The following ITGA2B variants were observed in gnomAD, a reference collection of about 807,000 sequenced individuals.
The protein encoded by ITGA2B is integrin subunit alpha 2b.
ITGA2B carries 91 observed loss-of-function variants against 142.0 expected under a neutral mutation model. The ratio of observed to expected loss-of-function variants is 0.64; its 90% CI spans 0.54 to 0.76. The LOEUF (loss-of-function observed/expected upper bound fraction) is 0.76, where lower values mean the gene tolerates loss of function less well. ITGA2B is among the 30% of genes least tolerant of loss of function. The pLI is 0.00. For missense variants in ITGA2B, 1,231 were observed against 1,350.8 expected, an observed-to-expected ratio of 0.91 and a Z score of 1.39; for synonymous variants, 536 against 567.2, an observed-to-expected ratio of 0.94 and a Z score of 0.78.
At chr17:44,387,068 T>A (rs201155712) in intron 1 of ITGA2B, among the ~76,000 whole-genome samples, 1 of 151,430 alleles carries the variant, frequency 6.6e-6, no homozygotes, top group East Asian at 2.0e-4. Flanking sequence ...GCCCATAATA[T>A]TTTTTTAGCC....
At chr17:44,384,376 C>G (rs950269723) in intron 8 of ITGA2B, 22 bp from the exon 9 acceptor site, 4 of 1,613,798 alleles carry the variant, frequency 2.5e-6, no homozygotes, top group African/African-American at 1.3e-5. Context: ...GAGAGCCAGG[C>G]TCAGGGAATG....
Position 44,378,485 on chromosome 17 carries a change from C to G in ITGA2B, c.1971G>C (p.Gly657=), listed in dbSNP as rs745504376. 5.0e-6 allele frequency: 8 copies of G among 1,613,866 alleles called. No individual in the cohort carries two copies. Among genetic ancestry groups the G allele is most frequent in the Non-Finnish European group, 5.9e-6 (7 of 1,179,962 alleles). The change falls in exon 20 of 30, where the codon GGG becomes GGC. Residue 657 remains glycine, a synonymous_variant. Transcript: ENST00000262407. The part of the protein sequence containing the change: ...ASVTGSPLLV[G]ADNVLELQMD... Reference sequence around the variant, plus strand: ...TCTGCAGCTCCAGGACATTATCTGCCCCAACTAGGAGCGGGGAGCCCGTCC... The same window carrying G: ...TCTGCAGCTCCAGGACATTATCTGCGCCAACTAGGAGCGGGGAGCCCGTCC...
intron 18 of ITGA2B, 23 bp downstream of exon 18, chr17:44,379,666 G>A (rs1317393821): frequency 1.6e-5 from 26 of 1,613,604 alleles, no homozygotes; most frequent in Non-Finnish European, 2.2e-5. Context: ...GCACCTCCCT[G>A]GCCTGTCCCT....
At chr17:44,381,958 C>T (rs999629846) in intron 12 of ITGA2B, among the ~76,000 whole-genome samples, 1 of 152,162 alleles carries the variant, frequency 6.6e-6, no homozygotes, top group African/African-American at 2.4e-5. Context: ...CTTCTCCATT[C>T]CATCAAACTC....
intron 12 of ITGA2B, among the ~76,000 whole-genome samples, chr17:44,382,026 G>T (rs562388891): frequency 6.6e-6 from 1 of 152,196 alleles, no homozygotes; most frequent in South Asian, 2.1e-4. Flanking sequence ...AGGAAGAGAG[G>T]CAGCCCACTG....
Position 44,383,672 on chromosome 17 carries a change from T to A in ITGA2B, c.1031A>T (p.Tyr344Phe). 6.3e-7 allele frequency: 1 copy of A among 1,590,572 alleles called. No individual in the cohort carries two copies. The highest frequency in any genetic ancestry group is 2.3e-5 in the East Asian group (1 of 43,662). The change falls in exon 12 of 30, where the codon TAT (tyrosine) becomes TTT (phenylalanine). Residue 344 changes from tyrosine to phenylalanine, a missense_variant. Coordinates refer to ENST00000262407, the MANE Select transcript of ITGA2B (RefSeq NM_000419.5). ...TTTTCGGTCTGCCCGGCTCTCCATA[T>A]ACAGTGGAGCGCCCACCAGCAGATC... is the stretch of plus-strand genomic sequence containing the variant. ...RHDLLVGAPLYMESRADRKLA... is the reference protein window; with the variant it reads ...RHDLLVGAPLFMESRADRKLA...
At chr17:44,383,767 T>G in intron 11 of ITGA2B, 63 bp from the exon 12 acceptor site, 7 of 1,549,430 alleles carry the variant, frequency 4.5e-6, no homozygotes, top group Middle Eastern at 2.0e-4. Context: ...TAGGGCCAAA[T>G]CTCCTCGACC....
chr17:44,376,871 G>A (rs549980835), intron 22 of ITGA2B, 138 bp downstream of exon 22: 24 of 711,262 alleles, frequency 3.4e-5, no homozygotes, highest in Admixed American at 2.0e-4. Flanking sequence ...CCTTGGCCTC[G>A]CAACGTGCTG....
Position 44,385,611 on chromosome 17 carries a change from C to T in ITGA2B, c.514G>A (p.Ala172Thr). Residue 172 changes from alanine to threonine, a missense_variant, in exon 4 of 30, where the codon GCC becomes ACC. By Grantham distance (58) the Ala-to-Thr change is moderately conservative. Transcript: ENST00000262407. ...FLAQPESGRR[A>T]EYSPCRGNTL... is the part of the protein sequence containing the mutation. ...TTCCCGCGACAGGGGGAGTACTCGG[C>T]GCGGCGGCCGCTCTCTGGCTGAGCC... 6.2e-7 allele frequency: 1 copy of T among 1,611,890 alleles called. No homozygotes were observed. The highest frequency in any genetic ancestry group is 1.7e-4 in the Middle Eastern group (1 of 6,026).
intron 21 of ITGA2B, 110 bp from the exon 22 acceptor site, chr17:44,377,198 CTT>C (rs373144079): frequency 3.3e-3 from 2,240 of 688,428 alleles, no homozygotes; most frequent in Middle Eastern, 4.5e-3. Context: ...TATTCTTTTT[CTT>C]TTTTTTTTTT....
At chr17:44,374,200 T>C in intron 29 of ITGA2B, 154 bp downstream of exon 29, 2 of 758,680 alleles carry the variant, frequency 2.6e-6, no homozygotes, top group Non-Finnish European at 4.7e-6. Flanking sequence ...GCCACCCCAC[T>C]GGACCGAGAA....
At chr17:44,373,636 TC>T (rs2048515045) in intron 29 of ITGA2B, among the ~76,000 whole-genome samples, 1 of 152,136 alleles carries the variant, frequency 6.6e-6, no homozygotes, top group Non-Finnish European at 1.5e-5. Flanking sequence ...TCTAGACCAA[TC>T]CTTGGGCCTC....
In ITGA2B at chr17:44,376,004, C is replaced by A. The variant is rs773747051; in HGVS notation, c.2449-19G>T. ...TGTGGAGCTGAAGGGGTGGTGGTGG[C>A]AGGGTGTGGGGAGCTTAGCGCCTCA... On this transcript the variant is annotated intron_variant, in intron 24 of 29. Transcript: ENST00000262407. 4.3e-6 allele frequency: 7 copies of A among 1,614,064 alleles called. No individual in the cohort carries two copies. Among genetic ancestry groups the A allele is most frequent in the Non-Finnish European group, 5.9e-6 (7 of 1,179,994 alleles).
intron 4 of ITGA2B, 54 bp downstream of exon 4, chr17:44,385,497 G>A: frequency 6.5e-7 from 1 of 1,532,150 alleles, no homozygotes; most frequent in Non-Finnish European, 8.7e-7. Flanking sequence ...GATCCGATGG[G>A]GGCGGGGCCA....
chr17:44,374,901 C>T lies in ITGA2B; in HGVS notation c.2841+97G>A, dbSNP rs567280852. 2.4e-5 allele frequency: 31 copies of T among 1,293,926 alleles called. No individual in the cohort carries two copies. In the South Asian group the frequency reaches 2.9e-4, roughly 12 times the overall value. The allele number at this position is 1,293,926 out of a possible 1,614,324, so 80.2% of individuals were successfully genotyped here. A position where few individuals can be genotyped will look rare whatever the true frequency, so the allele number is the denominator to read the frequency against. On this transcript the variant is annotated intron_variant, in intron 27 of 29. Coordinates refer to ENST00000262407, the MANE Select transcript of ITGA2B (RefSeq NM_000419.5). ...TCCCCCAAAGTAAACCTTGCCTTCCCTCTCTTCCTGCCCTCCCACACCAAA... is the reference window on the plus strand; with the variant it reads ...TCCCCCAAAGTAAACCTTGCCTTCCTTCTCTTCCTGCCCTCCCACACCAAA...
At chr17:44,388,351 C>CTTTT (rs35720866) in intron 1 of ITGA2B, among the ~76,000 whole-genome samples, 389 of 97,052 alleles carry the variant, frequency 4.0e-3, no homozygotes, top group Middle Eastern at 6.3e-3. Flanking sequence ...CATTTCCTTT[C>CTTTT]TTTTTTTTTT....
chr17:44,375,133 C>A, intron 26 of ITGA2B, 22 bp from the exon 27 acceptor site: 1 of 1,538,086 alleles, frequency 6.5e-7, no homozygotes, highest in South Asian at 1.2e-5. Flanking sequence ...CATCGTCAGT[C>A]CCCAGCCCGT....
chr17:44,379,667 G>T (rs745895425), intron 18 of ITGA2B, 22 bp downstream of exon 18: 3 of 1,613,554 alleles, frequency 1.9e-6, no homozygotes, highest in Non-Finnish European at 2.5e-6. Flanking sequence ...CACCTCCCTG[G>T]CCTGTCCCTG....
Position 44,386,083 on chromosome 17 carries a change from C to T in ITGA2B, c.237G>A (p.Glu79=). The T allele has an allele frequency of 6.2e-7, 1 of 1,610,644 alleles. No individual in the cohort carries two copies. The highest frequency in any genetic ancestry group is 1.1e-5 in the South Asian group (1 of 90,892). ...GGCACAGGAACACGCCGCCCGTCTC[C>T]TCCTGGCTGGGGCCCAGGGTCCGCG... is the stretch of plus-strand genomic sequence containing the variant. The part of the protein sequence containing the change: ...GAPRTLGPSQ[E]ETGGVFLCPW... The change falls in exon 2 of 30, where the codon GAG becomes GAA. Residue 79 remains glutamate (E), a synonymous_variant. Coordinates refer to ENST00000262407, the MANE Select transcript of ITGA2B (RefSeq NM_000419.5).
Sources: allele counts gnomAD v4.1 joint callset (sites outside exome capture counted in the v4.1 genomes callset), GRCh38; gene constraint gnomAD v4.1.1; transcripts MANE v1.5; gene names NCBI Gene and HGNC (gene_info 2026-07-23, HGNC 2026-07-21).